ZNF565: variants seen among roughly 807,000 people sequenced by gnomAD.
ZNF565 encodes the protein zinc finger protein 565.
In ZNF565, 27 loss-of-function variants were observed where a neutral mutation model predicts 39.4. The ratio of observed to expected loss-of-function variants is 0.69; its 90% confidence interval spans 0.51 to 0.95. ZNF565 has a LOEUF of 0.95. ZNF565 is among the 40% of genes least tolerant of loss of function. The probability of loss-of-function intolerance (pLI) is 0.00; values close to 1 mark genes in which losing one functional copy is unlikely to be tolerated. For synonymous variants in ZNF565, 185 were observed against 216.6 expected, an observed-to-expected ratio of 0.85 and a Z score of 1.28; for missense variants, 524 against 621.1, an observed-to-expected ratio of 0.84 and a Z score of 1.66.
chr19:36,193,189 G>T (rs1975627274), intron 4 of ZNF565, among the ~76,000 whole-genome samples: 1 of 151,744 alleles, frequency 6.6e-6, no homozygotes, highest in African/African-American at 2.4e-5. Flanking sequence ...TAGAGACAGG[G>T]TTTCACCATG....
chr19:36,212,757 C>T (rs955206533), intron 1 of ZNF565, among the ~76,000 whole-genome samples: 1 of 152,090 alleles, frequency 6.6e-6, no homozygotes, highest in African/African-American at 2.4e-5. Context: ...GCCTTTCAGT[C>T]CATCTCCAAG....
At chr19:36,211,491 CTAAT>C (rs1976357939) in intron 1 of ZNF565, among the ~76,000 whole-genome samples, 1 of 131,310 alleles carries the variant, frequency 7.6e-6, no homozygotes, top group African/African-American at 2.8e-5. Flanking sequence ...ACACACAATT[CTAAT>C]TAATAAACAT....
intron 1 of ZNF565, among the ~76,000 whole-genome samples, chr19:36,202,871 C>A (rs1462833421): frequency 6.6e-6 from 1 of 152,118 alleles, no homozygotes; most frequent in Non-Finnish European, 1.5e-5. Context: ...GTCTCCAGCC[C>A]CAGCTATACT....
At chr19:36,195,460 CATT>C (rs1337889224) in intron 2 of ZNF565, among the ~76,000 whole-genome samples, 1 of 151,558 alleles carries the variant, frequency 6.6e-6, no homozygotes, top group African/African-American at 2.4e-5. Flanking sequence ...ATCAGAATAT[CATT>C]ATCATACTTA....
At position 36,195,127 on chromosome 19, in the gene ZNF565, T is replaced by C. The variant is rs143427371; in HGVS notation, c.39A>G (p.Ile13Met). ...QGLVTFRDVA[I>M]EFSLEEWKCL... ...ACTTCCATTCTTCCAGAGAGAACTC[T>C]ATGGCCACGTCCCTGAATGTCACCA... is the stretch of plus-strand genomic sequence containing the variant. Residue 13 changes from isoleucine (I) to methionine (M), a missense_variant, in exon 3 of 5, where the codon ATA becomes ATG. Ile to Met is a conservative substitution (Grantham distance 10, BLOSUM62 1). Coordinates refer to ENST00000304116, the MANE Select transcript of ZNF565 (RefSeq NM_152477.5). The C allele has an allele frequency of 6.2e-7, 1 of 1,614,178 alleles. No homozygotes were observed. Among genetic ancestry groups the C allele is most frequent in the Non-Finnish European group, 8.5e-7 (1 of 1,180,002 alleles).
chr19:36,235,139 G>T (rs1977592593), intron 1 of ZNF565, among the ~76,000 whole-genome samples: 1 of 151,470 alleles, frequency 6.6e-6, no homozygotes, highest in Admixed American at 6.6e-5. Flanking sequence ...AACCCAGGAG[G>T]CGGAGGCTGC....
rs1356056953 is a variant in ZNF565 at position 36,199,423 on chromosome 19, G to A, written c.9+2554C>T. ...ACAACTCCTACCATGTCTATGTGGAGAGAGAAGGCTGTGGGCTTCTATTGC... is the reference window on the plus strand; with the variant it reads ...ACAACTCCTACCATGTCTATGTGGAAAGAGAAGGCTGTGGGCTTCTATTGC... On this transcript the variant is annotated intron_variant, in intron 2 of 4. Transcript: ENST00000304116. 2.0e-5 allele frequency among the ~76,000 whole-genome samples: 3 copies of A among 151,908 alleles called. No individual in the cohort carries two copies. In the East Asian group the frequency reaches 5.8e-4, roughly 29 times the overall value.
At chr19:36,217,055 C>CTTTTG (rs1976640509), upstream of ZNF565, among the ~76,000 whole-genome samples, 1 of 65,866 alleles carries the variant, frequency 1.5e-5, no homozygotes, top group South Asian at 8.1e-4. Flanking sequence ...CAGTCCCTGT[C>CTTTTG]TTTTTTTTTT....
In ZNF565 at chr19:36,183,695, T is replaced by C. The variant is rs761958698; in HGVS notation, c.271A>G (p.Ile91Val). 2.7e-5 allele frequency: 44 copies of C among 1,612,416 alleles called. No individual in the cohort carries two copies. The highest frequency in any genetic ancestry group is 3.6e-5 in the Non-Finnish European group (42 of 1,179,070). Residue 91 changes from isoleucine to valine, a missense_variant, in exon 5 of 5, where the codon ATT (isoleucine) becomes GTT (valine). Coordinates refer to ENST00000304116, the MANE Select transcript of ZNF565 (RefSeq NM_152477.5). ...SRCEKFLQKD[I>V]FEIGAFNWEI... ...CAGTTGAATGCCCCGATTTCAAAAA[T>C]GTCTTTTTGTAGAAATTTCTCACAC...
chr19:36,204,140 GGGTTTT>G (rs1336426926), intron 1 of ZNF565, among the ~76,000 whole-genome samples: 1 of 148,282 alleles, frequency 6.7e-6, no homozygotes, highest in Non-Finnish European at 1.5e-5. Context: ...GGTACAGATT[GGGTTTT>G]GCCATGTTGG....
chr19:36,221,513 C>T (rs1171018246), intron 1 of ZNF565, among the ~76,000 whole-genome samples: 1 of 151,938 alleles, frequency 6.6e-6, no homozygotes, highest in African/African-American at 2.4e-5. Flanking sequence ...TGATCTTGAT[C>T]TCCTGACCTC....
chr19:36,203,628 T>C (rs909972425), intron 1 of ZNF565: 1 of 152,232 alleles, frequency 6.6e-6, no homozygotes, highest in Non-Finnish European at 1.5e-5. Flanking sequence ...CAGGCTGGAG[T>C]GCAGAGGTGT....
At chr19:36,214,117 G>A (rs972395251) in intron 1 of ZNF565, among the ~76,000 whole-genome samples, 2 of 151,592 alleles carry the variant, frequency 1.3e-5, no homozygotes, top group Non-Finnish European at 2.9e-5. Context: ...ACAAGCAGTG[G>A]CACCCCACTC....
chr19:36,219,702 A>G (rs1442604528), intron 1 of ZNF565, among the ~76,000 whole-genome samples: 1 of 152,206 alleles, frequency 6.6e-6, no homozygotes, highest in African/African-American at 2.4e-5. Context: ...AAACCAATAC[A>G]TAATTCTTGG....
At chr19:36,240,571 A>C (rs1977780853) in intron 1 of ZNF565, among the ~76,000 whole-genome samples, 1 of 152,216 alleles carries the variant, frequency 6.6e-6, no homozygotes, top group Non-Finnish European at 1.5e-5. Context: ...TGAGACCCTT[A>C]AAATGGCCAT....
intron 2 of ZNF565, among the ~76,000 whole-genome samples, chr19:36,196,027 C>A (rs1975748143): frequency 6.6e-6 from 1 of 151,530 alleles, no homozygotes; most frequent in Non-Finnish European, 1.5e-5. Context: ...ACCTCTTCCT[C>A]CTGGGTTCAA....
At chr19:36,200,380 G>A (rs1975913119) in intron 2 of ZNF565, among the ~76,000 whole-genome samples, 1 of 151,918 alleles carries the variant, frequency 6.6e-6, no homozygotes, top group Non-Finnish European at 1.5e-5. Flanking sequence ...GTTAATATCA[G>A]TAACATACAT....
chr19:36,227,319 G>T (rs1372895573), intron 1 of ZNF565, among the ~76,000 whole-genome samples: 2 of 151,186 alleles, frequency 1.3e-5, no homozygotes, highest in African/African-American at 4.9e-5. Context: ...AACCCGGGAG[G>T]CAGAGGTTGC....
chr19:36,229,684 T>C (rs1169204012), intron 1 of ZNF565, among the ~76,000 whole-genome samples: 2 of 152,224 alleles, frequency 1.3e-5, no homozygotes, highest in Admixed American at 1.3e-4. Context: ...TACATAAGTT[T>C]TTTTCTTAGA....
Sources: allele counts gnomAD v4.1 joint callset (sites outside exome capture counted in the v4.1 genomes callset), GRCh38; gene constraint gnomAD v4.1.1; transcripts MANE v1.5; gene names NCBI Gene and HGNC (gene_info 2026-07-23, HGNC 2026-07-21).